Variants in EFHC2 observed in about 807,000 individuals in gnomAD.
The protein encoded by EFHC2 is EF-hand domain containing 2, also known as EF-hand domain-containing family member C2.
Under a neutral mutation model 52.7 loss-of-function variants are expected in EFHC2, and 18 were observed. The observed-to-expected ratio is 0.34, with a 90% confidence interval of 0.24 to 0.51. The LOEUF is 0.51. Ranked by LOEUF, EFHC2 falls within the 20% of genes least tolerant of loss-of-function variation. The pLI is 0.97. For synonymous variants in EFHC2, 203 were observed against 204.1 expected, an observed-to-expected ratio of 0.99 and a Z score of 0.04; for missense variants, 513 against 562.5, an observed-to-expected ratio of 0.91 and a Z score of 0.89.
chrX:44,256,300 C>A (rs2037491064), intron 4 of EFHC2, among the ~76,000 whole-genome samples: 1 of 111,070 alleles, frequency 9.0e-6, no homozygotes, highest in African/African-American at 3.3e-5. Context: ...CAGAGTGGAA[C>A]TGAAGGAGAT....
intron 1 of EFHC2, among the ~76,000 whole-genome samples, chrX:44,336,627 C>T (rs2038119576): frequency 9.0e-6 from 1 of 111,501 alleles, no homozygotes; most frequent in African/African-American, 3.3e-5. Context: ...AGAGCAATGA[C>T]CATTTTGCTA....
chrX:44,327,133 C>A (rs2038058052), intron 1 of EFHC2, among the ~76,000 whole-genome samples: 1 of 111,672 alleles, frequency 9.0e-6, no homozygotes, highest in African/African-American at 3.3e-5. Flanking sequence ...AGCCCTTAAG[C>A]AATGGGCCTC....
chrX:44,197,433 G>A (rs2036973746), intron 11 of EFHC2, among the ~76,000 whole-genome samples: 1 of 111,906 alleles, frequency 8.9e-6, no homozygotes, highest in East Asian at 2.8e-4. Context: ...CAGTGGTAAG[G>A]AACATCTTAA....
rs986745264 is a variant in EFHC2 at position 44,226,014 on chromosome X, G to A, written c.1751+3635C>T. ...GCAAACAAGTAACAACTTGACAGGA[G>A]GCTACCAGTGAAGAGTAGGTATAAA... is the stretch of plus-strand genomic sequence containing the variant. On this transcript the variant is annotated intron_variant, in intron 11 of 14. Transcript: ENST00000420999. Among the ~76,000 whole-genome samples, 3 of 112,011 alleles carry A rather than the reference G, an allele frequency of 2.7e-5. No individual in the cohort carries two copies. In the Admixed American group the frequency reaches 2.8e-4, roughly 11 times the overall value.
chrX:44,170,141 T>G (rs1045871149), intron 13 of EFHC2, among the ~76,000 whole-genome samples: 1 of 111,498 alleles, frequency 9.0e-6, no homozygotes, highest in Non-Finnish European at 1.9e-5. Context: ...AAAAAGCAGA[T>G]GAGAGACTCT....
chrX:44,311,340 G>A (rs1387962953), intron 2 of EFHC2, among the ~76,000 whole-genome samples: 1 of 112,116 alleles, frequency 8.9e-6, no homozygotes, highest in Non-Finnish European at 1.9e-5. Context: ...ATGACATGGG[G>A]ATGTGTCAAT....
intron 11 of EFHC2, among the ~76,000 whole-genome samples, chrX:44,205,978 T>A (rs1438851520): frequency 9.0e-6 from 1 of 111,709 alleles, no homozygotes; most frequent in Admixed American, 9.5e-5. Flanking sequence ...ACGTGCTCAG[T>A]CATAAGTCTC....
chrX:44,323,110 T>G (rs2038032368), intron 1 of EFHC2, among the ~76,000 whole-genome samples: 1 of 112,306 alleles, frequency 8.9e-6, no homozygotes, highest in Non-Finnish European at 1.9e-5. Flanking sequence ...TCCACTTTTA[T>G]GACATTCTTA....
chrX:44,276,613 C>A (rs1230820889), intron 2 of EFHC2, among the ~76,000 whole-genome samples: 1 of 111,976 alleles, frequency 8.9e-6, no homozygotes, highest in Non-Finnish European at 1.9e-5. Context: ...GGAAGTAGTT[C>A]TAACTTGATA....
Position 44,154,233 on chromosome X carries a change from C to A in EFHC2, c.2149-5337G>T, listed in dbSNP as rs892596311. On this transcript the variant is annotated intron_variant, in intron 14 of 14. Coordinates refer to ENST00000420999, the MANE Select transcript of EFHC2 (RefSeq NM_025184.4). ...TTGGGCTTCTCTTTGGCCTCTGAGG[C>A]TTGCTTTGGCTGTCCCTGTGGCAAG... Among the ~76,000 whole-genome samples the A allele has an allele frequency of 1.1e-3, 121 of 113,013 alleles. 2 individuals carry two copies. Among genetic ancestry groups the A allele is most frequent in the African/African-American group, 3.7e-3 (114 of 31,171 alleles).
intron 1 of EFHC2, among the ~76,000 whole-genome samples, chrX:44,342,302 G>A (rs1047616736): frequency 1.8e-5 from 2 of 112,146 alleles, no homozygotes; most frequent in African/African-American, 6.5e-5. Context: ...AAACCATAAA[G>A]CCAAATACTT....
chrX:44,233,414 T>G (rs2037294696), intron 9 of EFHC2, among the ~76,000 whole-genome samples: 1 of 112,144 alleles, frequency 8.9e-6, no homozygotes, highest in Admixed American at 9.4e-5. Flanking sequence ...TCCAGAACTG[T>G]CATCATTTCA....
At chrX:44,293,937 T>C (rs911383079) in intron 2 of EFHC2, among the ~76,000 whole-genome samples, 5 of 112,027 alleles carry the variant, frequency 4.5e-5, no homozygotes, top group Non-Finnish European at 9.4e-5. Flanking sequence ...AAATACACAA[T>C]GAGTAATGCA....
Position 44,229,377 on chromosome X carries a change from A to G in EFHC2, c.1751+272T>C, listed in dbSNP as rs192499033. On this transcript the variant is annotated intron_variant, in intron 11 of 14. Transcript: ENST00000420999. ...ATGCATCATTCCTGGCATTCTGCTG[A>G]TCCTTCAACCTCCTGATTCATAAGA... is the stretch of plus-strand genomic sequence containing the variant. 4.1e-4 allele frequency among the ~76,000 whole-genome samples: 46 copies of G among 111,532 alleles called. No homozygotes were observed. The East Asian group carries it at 0.011, about 27-fold the overall frequency.
rs751334977 is a variant in EFHC2 at position 44,148,614 on chromosome X, C to T, written c.*181G>A. On this transcript the variant is annotated 3_prime_UTR_variant, in exon 15 of 15. Transcript: ENST00000420999. ...GGCATTTTAAATAGTAACAGTACGTCGGCAATGTAACATGATGTTCTGTAA... is the reference window on the plus strand; with the variant it reads ...GGCATTTTAAATAGTAACAGTACGTTGGCAATGTAACATGATGTTCTGTAA... 54 of 401,795 alleles carry T rather than the reference C, an allele frequency of 1.3e-4. No homozygotes were observed. The Admixed American group carries it at 1.4e-3, about 11-fold the overall frequency. The allele number at this position is 401,795 out of a possible 1,213,427, so 33.1% of individuals were successfully genotyped here.
intron 11 of EFHC2, among the ~76,000 whole-genome samples, chrX:44,199,896 A>G (rs1489840641): frequency 8.9e-6 from 1 of 112,350 alleles, no homozygotes; most frequent in Non-Finnish European, 1.9e-5. Flanking sequence ...ACTATTCTTA[A>G]AAAGTATCAA....
chrX:44,230,286 G>A (rs138525965), intron 10 of EFHC2, among the ~76,000 whole-genome samples: 3,521 of 111,652 alleles, frequency 0.032, 131 homozygotes, highest in African/African-American at 0.11. Flanking sequence ...TCTCTGGGCC[G>A]TCCACTGTTC....
At chrX:44,191,716 C>T (rs1358318366) in intron 11 of EFHC2, among the ~76,000 whole-genome samples, 1 of 111,880 alleles carries the variant, frequency 8.9e-6, no homozygotes, top group Admixed American at 9.5e-5. Flanking sequence ...ATATGTCATT[C>T]ACCTAAAGTC....
intron 1 of EFHC2, among the ~76,000 whole-genome samples, chrX:44,331,158 G>C (rs1036453350): frequency 1.8e-5 from 2 of 111,934 alleles, no homozygotes; most frequent in Admixed American, 9.5e-5. Context: ...CAAATGTAAA[G>C]AAATTGTGAT....
Sources: allele counts gnomAD v4.1 joint callset (sites outside exome capture counted in the v4.1 genomes callset), GRCh38; gene constraint gnomAD v4.1.1; transcripts MANE v1.5; gene names NCBI Gene and HGNC (gene_info 2026-07-23, HGNC 2026-07-21).